The following LRMDA variants were observed in gnomAD, a reference collection of about 807,000 sequenced individuals.
LRMDA encodes the protein leucine rich melanocyte differentiation associated, also known as leucine-rich melanocyte differentiation-associated protein.
LRMDA carries 18 observed loss-of-function variants against 29.8 expected under a neutral mutation model. The observed-to-expected ratio is 0.60, with a 90% confidence interval of 0.42 to 0.90. LRMDA has a LOEUF of 0.90. Among genes scored for constraint, LRMDA ranks in the 40% least tolerant of loss-of-function variants. The pLI is 0.00. For missense variants in LRMDA, 273 were observed against 273.9 expected, an observed-to-expected ratio of 1.00 and a Z score of 0.02; for synonymous variants, 125 against 109.4, an observed-to-expected ratio of 1.14 and a Z score of -0.89.
At chr10:75,444,710 T>C (rs1486509383) in intron 2 of LRMDA, among the ~76,000 whole-genome samples, 1 of 152,092 alleles carries the variant, frequency 6.6e-6, no homozygotes. Context: ...TTTATAAGAG[T>C]AACAGTAATT....
At chr10:76,163,091 A>C (rs12244531) in intron 5 of LRMDA, among the ~76,000 whole-genome samples, 30,323 of 152,086 alleles carry the variant, frequency 0.2, 3,428 homozygotes, top group East Asian at 0.52. Flanking sequence ...TTGTGACAAT[A>C]GTGACATTAT....
intron 2 of LRMDA, among the ~76,000 whole-genome samples, chr10:75,870,414 A>G (rs1403847856): frequency 6.6e-6 from 1 of 152,240 alleles, no homozygotes; most frequent in Non-Finnish European, 1.5e-5. Flanking sequence ...GAGAATTAAG[A>G]AGTGAGTCAC....
chr10:76,446,393 G>T (rs1842354361), intron 6 of LRMDA, among the ~76,000 whole-genome samples: 1 of 152,092 alleles, frequency 6.6e-6, no homozygotes, highest in African/African-American at 2.4e-5. Context: ...TTTAACTGTG[G>T]ATTGAAAATA....
chr10:75,777,930 A>T (rs1358195097), intron 2 of LRMDA, among the ~76,000 whole-genome samples: 2 of 152,236 alleles, frequency 1.3e-5, no homozygotes, highest in Admixed American at 1.3e-4. Flanking sequence ...TGTATAATGT[A>T]TAATTTATAT....
intron 2 of LRMDA, among the ~76,000 whole-genome samples, chr10:75,796,521 C>T (rs1843656115): frequency 1.3e-5 from 2 of 152,142 alleles, no homozygotes; most frequent in South Asian, 4.1e-4. Context: ...AGATGAGCAT[C>T]ACTTGGTCAT....
At chr10:75,972,966 G>C (rs1476572544) in intron 2 of LRMDA, among the ~76,000 whole-genome samples, 1 of 151,942 alleles carries the variant, frequency 6.6e-6, no homozygotes. Context: ...TGCTACACTG[G>C]GGAAATTAAG....
rs574073668 is a variant in LRMDA at position 75,472,908 on chromosome 10, T to C, written c.131+34414T>C. Among the ~76,000 whole-genome samples, 6 of 152,340 alleles carry C rather than the reference T, an allele frequency of 3.9e-5. 1 individual carries two copies. The highest frequency in any genetic ancestry group is 2.1e-4 in the South Asian group (1 of 4,824). On this transcript the variant is annotated intron_variant, in intron 2 of 6. Coordinates refer to ENST00000611255, the MANE Select transcript of LRMDA (RefSeq NM_001305581.2). ...GGGTGGGCGTGGCCAGATCTTAGAA[T>C]TGAATGATCTGGGCTTAGGCATTCA... is the stretch of plus-strand genomic sequence containing the variant.
chr10:75,827,055 G>A (rs932960892), intron 2 of LRMDA, among the ~76,000 whole-genome samples: 9 of 152,074 alleles, frequency 5.9e-5, no homozygotes, highest in African/African-American at 1.9e-4. Flanking sequence ...ATTCTTCTTA[G>A]AAGAAAAGAT....
At chr10:76,356,600 C>G (rs1412120168) in intron 6 of LRMDA, among the ~76,000 whole-genome samples, 1 of 152,126 alleles carries the variant, frequency 6.6e-6, no homozygotes, top group Non-Finnish European at 1.5e-5. Flanking sequence ...TTCAATTACT[C>G]TCTTCATTGG....
chr10:76,193,142 C>G (rs768624235), intron 5 of LRMDA, among the ~76,000 whole-genome samples: 1 of 152,068 alleles, frequency 6.6e-6, no homozygotes, highest in Admixed American at 6.6e-5. Context: ...GTACATGTGT[C>G]GGAGTTTCCT....
chr10:76,333,239 G>C (rs1840925540), intron 6 of LRMDA, among the ~76,000 whole-genome samples: 2 of 152,202 alleles, frequency 1.3e-5, no homozygotes, highest in South Asian at 4.1e-4. Context: ...CATTATGGCA[G>C]GCCTTGGACA....
intron 5 of LRMDA, among the ~76,000 whole-genome samples, chr10:76,162,156 G>A (rs527459148): frequency 6.6e-6 from 1 of 152,160 alleles, no homozygotes. Context: ...TCGTGCTGTG[G>A]TGTTTACTTT....
At chr10:76,039,701 C>T (rs976212184) in intron 3 of LRMDA, among the ~76,000 whole-genome samples, 2 of 152,208 alleles carry the variant, frequency 1.3e-5, no homozygotes, top group Non-Finnish European at 2.9e-5. Flanking sequence ...TTCTGCATGA[C>T]CTTGGGCAAG....
At chr10:76,452,485 A>T (rs981364525) in intron 6 of LRMDA, among the ~76,000 whole-genome samples, 2 of 152,144 alleles carry the variant, frequency 1.3e-5, no homozygotes, top group Non-Finnish European at 2.9e-5. Flanking sequence ...TTAAGATGGG[A>T]ACTGAATGAA....
chr10:76,250,975 A>C (rs1589394340), intron 5 of LRMDA, among the ~76,000 whole-genome samples: 1 of 152,170 alleles, frequency 6.6e-6, no homozygotes, highest in Non-Finnish European at 1.5e-5. Flanking sequence ...TCCTTTGAAC[A>C]GTTCTTGTAG....
At chr10:76,312,166 G>A (rs1404639211) in intron 5 of LRMDA, among the ~76,000 whole-genome samples, 1 of 152,136 alleles carries the variant, frequency 6.6e-6, no homozygotes, top group African/African-American at 2.4e-5. Context: ...TTATATCAGA[G>A]TTTCCTGTCA....
At chr10:75,457,698 G>C (rs1299986559) in intron 2 of LRMDA, among the ~76,000 whole-genome samples, 1 of 152,162 alleles carries the variant, frequency 6.6e-6, no homozygotes, top group Non-Finnish European at 1.5e-5. Context: ...TTCTATCTCA[G>C]ATATGTTTTA....
intron 4 of LRMDA, among the ~76,000 whole-genome samples, chr10:76,055,873 G>T (rs1337120202): frequency 6.6e-6 from 1 of 152,182 alleles, no homozygotes; most frequent in Non-Finnish European, 1.5e-5. Flanking sequence ...TTTGCTTGGG[G>T]AGCTGTTAGG....
At chr10:76,390,729 G>C (rs1841713716) in intron 6 of LRMDA, among the ~76,000 whole-genome samples, 1 of 152,038 alleles carries the variant, frequency 6.6e-6, no homozygotes. Flanking sequence ...TACAGTAGGG[G>C]GTAGGGGAAC....
Sources: allele counts gnomAD v4.1 joint callset (sites outside exome capture counted in the v4.1 genomes callset), GRCh38; gene constraint gnomAD v4.1.1; transcripts MANE v1.5; gene names NCBI Gene and HGNC (gene_info 2026-07-23, HGNC 2026-07-21).